PLEKHH2: variants seen among roughly 807,000 people sequenced by gnomAD.
The protein encoded by PLEKHH2 is pleckstrin homology, MyTH4 and FERM domain containing H2.
A neutral mutation model predicts 187.9 loss-of-function variants in PLEKHH2; 129 were observed. The ratio of observed to expected loss-of-function variants is 0.69; its 90% confidence interval spans 0.59 to 0.79. The LOEUF is 0.79. PLEKHH2 is among the 30% of genes least tolerant of loss of function. PLEKHH2 has a pLI of 0.00. For missense variants in PLEKHH2, 2,076 were observed against 1,751.2 expected, an observed-to-expected ratio of 1.19 and a Z score of -3.31; for synonymous variants, 686 against 605.6, an observed-to-expected ratio of 1.13 and a Z score of -1.95.
In PLEKHH2 at chr2:43,726,336, CAGATGA is replaced by C; in HGVS notation, c.2611_2616del (p.Glu871_Asp872del). 2 of 1,611,964 alleles carry C rather than the reference CAGATGA, an allele frequency of 1.2e-6. No individual in the cohort carries two copies. The highest frequency in any genetic ancestry group is 2.2e-5 in the South Asian group (2 of 91,026). ...GAAGAGGTTGACAGATCTTGTGATT[CAGATGA>C]AGATTATGAAGCCAGTGGACGAAGT... On this transcript the variant is annotated inframe_deletion, in exon 17 of 30. Coordinates refer to ENST00000282406, the MANE Select transcript of PLEKHH2 (RefSeq NM_172069.4).
At chr2:43,757,312 T>G (rs1178588741) in intron 26 of PLEKHH2, 48 bp downstream of exon 26, 14 of 1,346,166 alleles carry the variant, frequency 1.0e-5, no homozygotes, top group Non-Finnish European at 1.4e-5. Flanking sequence ...ATACTAGTTT[T>G]TTGGTAATAT....
At chr2:43,667,514 CA>C (rs1667274330) in intron 2 of PLEKHH2, among the ~76,000 whole-genome samples, 1 of 152,108 alleles carries the variant, frequency 6.6e-6, no homozygotes, top group Non-Finnish European at 1.5e-5. Context: ...TTATAATAAT[CA>C]AAGAGTGAAA....
intron 3 of PLEKHH2, chr2:43,680,881 G>T: frequency 1.8e-6 from 1 of 561,686 alleles, no homozygotes. Flanking sequence ...TCTTCCATTT[G>T]ACAAGTAGAA....
chr2:43,640,655 T>A lies in PLEKHH2; in HGVS notation c.-4+3276T>A, dbSNP rs1485362660. ...ACATCCTATTTGATGTGAAGTGGAATGTTGTTGTGACTTTGATTTGCATTT... is the reference window on the plus strand; with the variant it reads ...ACATCCTATTTGATGTGAAGTGGAAAGTTGTTGTGACTTTGATTTGCATTT... On this transcript the variant is annotated intron_variant, in intron 1 of 29. Coordinates refer to ENST00000282406, the MANE Select transcript of PLEKHH2 (RefSeq NM_172069.4). 3.9e-5 allele frequency among the ~76,000 whole-genome samples: 6 copies of A among 152,354 alleles called. No individual in the cohort carries two copies. The East Asian group carries it at 1.2e-3, about 29-fold the overall frequency.
intron 17 of PLEKHH2, 67 bp from the exon 18 acceptor site, chr2:43,729,570 C>T (rs1670936250): frequency 1.8e-6 from 2 of 1,087,324 alleles, no homozygotes; most frequent in Non-Finnish European, 2.6e-6. Flanking sequence ...ACTGTTTATG[C>T]AAGTTGTTTT....
intron 15 of PLEKHH2, among the ~76,000 whole-genome samples, chr2:43,718,535 C>G (rs1417309017): frequency 6.8e-6 from 1 of 146,266 alleles, no homozygotes; most frequent in Non-Finnish European, 1.5e-5. Flanking sequence ...GAGACTCCGT[C>G]TCAAAAAAAA....
chr2:43,759,782 G>T (rs189546347), intron 27 of PLEKHH2, among the ~76,000 whole-genome samples: 1 of 152,152 alleles, frequency 6.6e-6, no homozygotes, highest in Non-Finnish European at 1.5e-5. Context: ...TGCTTTGCAC[G>T]TAATTAATAA....
intron 11 of PLEKHH2, 150 bp downstream of exon 11, chr2:43,707,695 A>G (rs974037979): frequency 5.9e-5 from 48 of 812,926 alleles, no homozygotes; most frequent in Admixed American, 4.1e-4. Context: ...TGATATGTTT[A>G]TATTCCTAAT....
intron 2 of PLEKHH2, among the ~76,000 whole-genome samples, chr2:43,672,717 C>A (rs1667549161): frequency 6.6e-6 from 1 of 152,174 alleles, no homozygotes; most frequent in South Asian, 2.1e-4. Context: ...TTAACTATTG[C>A]CTACTATTTC....
At chr2:43,711,913 A>C in intron 14 of PLEKHH2, 1 of 1,008,736 alleles carries the variant, frequency 9.9e-7, no homozygotes. Flanking sequence ...AAAAAAAGAA[A>C]AGTAGGAACC....
chr2:43,728,253 TG>T (rs1325261264), intron 17 of PLEKHH2, among the ~76,000 whole-genome samples: 5 of 151,628 alleles, frequency 3.3e-5, no homozygotes, highest in Non-Finnish European at 7.4e-5. Context: ...CCGAGGCAGG[TG>T]GATCACCTGA....
At chr2:43,679,486 T>C (rs1572540293) in intron 3 of PLEKHH2, 1 of 340,052 alleles carries the variant, frequency 2.9e-6, no homozygotes, top group South Asian at 2.0e-5. Flanking sequence ...TCAGGAATGA[T>C]TTTTTCCCTT....
chr2:43,767,251 C>A lies in PLEKHH2; in HGVS notation c.*1653C>A, dbSNP rs1672653626. ...TGAATTAATTTGTTGCCCGAGCCTT[C>A]ATATTTTCTTCTTTGCTGCCTTCTC... On this transcript the variant is annotated 3_prime_UTR_variant, in exon 30 of 30. Transcript: ENST00000282406. 6.6e-6 allele frequency: 1 copy of A among 152,244 alleles called. No homozygotes were observed. Among genetic ancestry groups the A allele is most frequent in the South Asian group, 2.1e-4 (1 of 4,828 alleles). 9.4% of individuals were successfully genotyped at this position (152,244 alleles called of 1,614,324 possible).
rs1410481604 is a variant in PLEKHH2, at chr2:43,699,798, G to GGCTCCTGTGAGTGACTGGA, written c.845_863dup (p.Asp289CysfsTer3). 1.2e-5 allele frequency: 20 copies of GGCTCCTGTGAGTGACTGGA among 1,613,906 alleles called. No homozygotes were observed. Among genetic ancestry groups the GGCTCCTGTGAGTGACTGGA allele is most frequent in the Non-Finnish European group, 1.5e-5 (18 of 1,179,960 alleles). ...ATGGTGGCATCTCCCAGAATTCTGGGGCTCCTGTGAGTGACTGGAGCTCTG... is the reference window on the plus strand; with the variant it reads ...ATGGTGGCATCTCCCAGAATTCTGGGGCTCCTGTGAGTGACTGGAGCTCCTGTGAGTGACTGGAGCTCTG... On this transcript the variant is annotated frameshift_variant, in exon 8 of 30. Coordinates refer to ENST00000282406, the MANE Select transcript of PLEKHH2 (RefSeq NM_172069.4). LOFTEE classifies it high-confidence loss of function.
At position 43,742,884 on chromosome 2, in the gene PLEKHH2, G is replaced by C; in HGVS notation, c.3365G>C (p.Ser1122Thr). The C allele has an allele frequency of 6.3e-7, 1 of 1,599,440 alleles. No individual in the cohort carries two copies. The highest frequency in any genetic ancestry group is 8.5e-7 in the Non-Finnish European group (1 of 1,174,600). ...RNPYHHSLPFSIPVHFMNGIY... is the reference protein window; with the variant it reads ...RNPYHHSLPFTIPVHFMNGIY... ...CCTTATCACCATTCTTTGCCCTTTA[G>C]TATACCTGTGCACTTCATGAATGGG... is the stretch of plus-strand genomic sequence containing the variant. Residue 1122 changes from serine (S) to threonine (T), a missense_variant, in exon 22 of 30, where the codon AGT becomes ACT. Physicochemically the swap from Ser to Thr is moderately conservative, Grantham distance 58 (BLOSUM62 1). Transcript: ENST00000282406.
chr2:43,645,699 T>C (rs1284423153), intron 2 of PLEKHH2, among the ~76,000 whole-genome samples: 1 of 152,176 alleles, frequency 6.6e-6, no homozygotes, highest in Non-Finnish European at 1.5e-5. Context: ...TTAAAATTAA[T>C]TTTACCCACT....
chr2:43,687,458 A>T (rs1668577044), intron 3 of PLEKHH2, among the ~76,000 whole-genome samples: 1 of 152,186 alleles, frequency 6.6e-6, no homozygotes, highest in South Asian at 2.1e-4. Context: ...ATAAACATAG[A>T]AGTGCATGTG....
intron 15 of PLEKHH2, among the ~76,000 whole-genome samples, chr2:43,715,273 TA>T (rs1329346335): frequency 2.1e-5 from 3 of 145,378 alleles, no homozygotes; most frequent in Admixed American, 6.9e-5. Flanking sequence ...AAACTCCGTC[TA>T]AAAAAAAAGA....
chr2:43,709,905 TTGCATTC>T (rs1302184879), intron 11 of PLEKHH2, 78 bp from the exon 12 acceptor site: 1 of 1,295,642 alleles, frequency 7.7e-7, no homozygotes, highest in Non-Finnish European at 1.1e-6. Flanking sequence ...TTAGGAATAA[TTGCATTC>T]TGTAGGAGCA....
Sources: allele counts gnomAD v4.1 joint callset (sites outside exome capture counted in the v4.1 genomes callset), GRCh38; gene constraint gnomAD v4.1.1; transcripts MANE v1.5; gene names NCBI Gene and HGNC (gene_info 2026-07-23, HGNC 2026-07-21).